The following PTPRT variants were observed in gnomAD, a reference collection of about 807,000 sequenced individuals.
PTPRT encodes receptor-type tyrosine-protein phosphatase T.
In PTPRT, 56 loss-of-function variants were observed where a neutral mutation model predicts 176.8. The ratio of observed to expected loss-of-function variants is 0.32; its 90% CI spans 0.26 to 0.40. PTPRT has a LOEUF of 0.40. PTPRT is among the 10% of genes least tolerant of loss of function. The probability of loss-of-function intolerance (pLI) is 1.00; values close to 1 mark genes in which losing one functional copy is unlikely to be tolerated. For synonymous variants in PTPRT, 783 were observed against 739.0 expected (o/e 1.06, Z -0.96); for missense variants, 1,540 against 1,908.2 (o/e 0.81, Z 3.60).
At chr20:42,040,848 G>T in the PTPRT span, among the ~76,000 whole-genome samples, 1 of 152,182 alleles carries the variant, frequency 6.6e-6, no homozygotes, top group East Asian at 1.9e-4. Flanking sequence ...TTCAGGGGGT[G>T]TTATCTTGGC....
At chr20:42,320,051 A>T (rs2145394762) in intron 11 of PTPRT, among the ~76,000 whole-genome samples, 1 of 152,296 alleles carries the variant, frequency 6.6e-6, no homozygotes, top group Middle Eastern at 3.4e-3. Context: ...TTCCAATGAG[A>T]AGATGGGCAT....
At chr20:43,112,295 A>G (rs1477019185) in intron 1 of PTPRT, among the ~76,000 whole-genome samples, 1 of 152,200 alleles carries the variant, frequency 6.6e-6, no homozygotes, top group East Asian at 1.9e-4. Flanking sequence ...TCATAAATCT[A>G]TCCAACTCTA....
At chr20:42,142,632 C>T (rs1988682706) in intron 17 of PTPRT, among the ~76,000 whole-genome samples, 1 of 152,112 alleles carries the variant, frequency 6.6e-6, no homozygotes, top group Admixed American at 6.5e-5. Context: ...ATTACCGAAC[C>T]CTATACATAC....
At chr20:42,321,136 G>A (rs1329525680) in intron 11 of PTPRT, among the ~76,000 whole-genome samples, 1 of 152,108 alleles carries the variant, frequency 6.6e-6, no homozygotes, top group Non-Finnish European at 1.5e-5. Flanking sequence ...TGAGAGATAC[G>A]GTAATCTCTC....
intron 1 of PTPRT, among the ~76,000 whole-genome samples, chr20:43,059,828 A>C (rs1987381761): frequency 6.6e-6 from 1 of 151,902 alleles, no homozygotes; most frequent in South Asian, 2.1e-4. Context: ...AAAATACAAA[A>C]ATTACCTGGG....
chr20:42,268,331 A>T (rs2056873569), intron 13 of PTPRT, among the ~76,000 whole-genome samples: 1 of 152,210 alleles, frequency 6.6e-6, no homozygotes, highest in African/African-American at 2.4e-5. Context: ...AGGTAAGAAC[A>T]AAAGCACCTG....
At chr20:42,749,451 G>A (rs2076738904) in intron 6 of PTPRT, among the ~76,000 whole-genome samples, 1 of 152,152 alleles carries the variant, frequency 6.6e-6, no homozygotes, top group South Asian at 2.1e-4. Context: ...ACACCTGAAT[G>A]CAGGGTCTAC....
intron 17 of PTPRT, among the ~76,000 whole-genome samples, chr20:42,145,544 A>AGATAGATG (rs1487530031): frequency 6.6e-4 from 100 of 151,830 alleles, no homozygotes; most frequent in African/African-American, 2.2e-3. Context: ...ATAGATAGAT[A>AGATAGATG]GATGGATGTT....
At chr20:42,290,902 G>A (rs1251454713) in intron 12 of PTPRT, among the ~76,000 whole-genome samples, 1 of 151,996 alleles carries the variant, frequency 6.6e-6, no homozygotes, top group Non-Finnish European at 1.5e-5. Flanking sequence ...CTTGGGTTAG[G>A]CTGCTAACCT....
At chr20:42,507,799 C>T (rs1238752834) in intron 7 of PTPRT, among the ~76,000 whole-genome samples, 1 of 151,246 alleles carries the variant, frequency 6.6e-6, no homozygotes, top group African/African-American at 2.4e-5. Flanking sequence ...GGACAGAAGG[C>T]CAGGGTAGCC....
At chr20:42,841,775 T>C (rs143200728) in intron 2 of PTPRT, among the ~76,000 whole-genome samples, 1 of 152,356 alleles carries the variant, frequency 6.6e-6, no homozygotes, top group African/African-American at 2.4e-5. Context: ...ATATCACACA[T>C]GTGGGTATCT....
chr20:42,257,540 C>A (rs1238136949), intron 13 of PTPRT, among the ~76,000 whole-genome samples: 1 of 151,578 alleles, frequency 6.6e-6, no homozygotes, highest in African/African-American at 2.4e-5. Context: ...GTGGTTGGAT[C>A]CCTCATGAAC....
intron 7 of PTPRT, among the ~76,000 whole-genome samples, chr20:42,638,690 G>A (rs546281352): frequency 1.3e-5 from 2 of 152,152 alleles, no homozygotes; most frequent in Admixed American, 1.3e-4. Context: ...AATAAGCACC[G>A]AACCAGTAAA....
the PTPRT span, among the ~76,000 whole-genome samples, chr20:42,065,641 G>T: frequency 6.6e-6 from 1 of 152,186 alleles, no homozygotes; most frequent in Non-Finnish European, 1.5e-5. Flanking sequence ...AAATGCTAGA[G>T]AGTCTCTCAA....
intron 12 of PTPRT, among the ~76,000 whole-genome samples, chr20:42,297,436 T>C (rs2057403451): frequency 6.6e-6 from 1 of 152,132 alleles, no homozygotes; most frequent in African/African-American, 2.4e-5. Context: ...GGTAAGATAA[T>C]TCAACATCTT....
intron 2 of PTPRT, among the ~76,000 whole-genome samples, chr20:42,795,674 G>A (rs2077444268): frequency 6.6e-6 from 1 of 152,182 alleles, no homozygotes; most frequent in Non-Finnish European, 1.5e-5. Flanking sequence ...CTCAAATGCT[G>A]CCAAAAGCCA....
At chr20:43,179,466 C>T (rs1198343902) in intron 1 of PTPRT, among the ~76,000 whole-genome samples, 1 of 152,114 alleles carries the variant, frequency 6.6e-6, no homozygotes, top group African/African-American at 2.4e-5. Flanking sequence ...TATCATAGCC[C>T]TAATCTATTG....
chr20:42,926,487 C>T (rs776276642), intron 1 of PTPRT, among the ~76,000 whole-genome samples: 51 of 152,180 alleles, frequency 3.4e-4, no homozygotes, highest in Non-Finnish European at 3.1e-4. Flanking sequence ...GGATCCAGGA[C>T]GACACGGGGG....
At chr20:42,395,166 C>T (rs2058837637) in intron 9 of PTPRT, among the ~76,000 whole-genome samples, 2 of 152,126 alleles carry the variant, frequency 1.3e-5, no homozygotes, top group South Asian at 4.1e-4. Flanking sequence ...ACACTGTTTC[C>T]TACTTTATGG....
Sources: allele counts gnomAD v4.1 joint callset (sites outside exome capture counted in the v4.1 genomes callset), GRCh38; gene constraint gnomAD v4.1.1; transcripts MANE v1.5; gene names NCBI Gene and HGNC (gene_info 2026-07-23, HGNC 2026-07-21).